PXK: variants seen among roughly 807,000 people sequenced by gnomAD.
The protein encoded by PXK is PX domain-containing protein kinase-like protein.
PXK carries 35 observed loss-of-function variants against 84.7 expected under a neutral mutation model. The ratio of observed to expected loss-of-function variants is 0.41; its 90% CI spans 0.32 to 0.55. PXK has a LOEUF of 0.55. PXK is among the 20% of genes least tolerant of loss of function. The pLI is 0.21. For missense variants in PXK, 634 were observed against 699.7 expected, an observed-to-expected ratio of 0.91 and a Z score of 1.06; for synonymous variants, 253 against 260.8, an observed-to-expected ratio of 0.97 and a Z score of 0.29.
intron 3 of PXK, among the ~76,000 whole-genome samples, chr3:58,373,784 G>A (rs2098410004): frequency 6.6e-6 from 1 of 152,040 alleles, no homozygotes. Context: ...GGTGGCTCAC[G>A]CCTGTAATCC....
chr3:58,380,740 G>A (rs1469388973), intron 3 of PXK, among the ~76,000 whole-genome samples: 2 of 151,974 alleles, frequency 1.3e-5, no homozygotes, highest in Non-Finnish European at 2.9e-5. Flanking sequence ...AACCCGGGAG[G>A]CGGAGTTTGC....
At chr3:58,376,507 T>C (rs535324370) in intron 3 of PXK, among the ~76,000 whole-genome samples, 101 of 152,298 alleles carry the variant, frequency 6.6e-4, no homozygotes, top group African/African-American at 2.4e-3. Context: ...TGTAAGAACC[T>C]ATAGACAACA....
At chr3:58,340,749 G>A (rs1175492896) in intron 1 of PXK, among the ~76,000 whole-genome samples, 2 of 151,850 alleles carry the variant, frequency 1.3e-5, no homozygotes, top group Admixed American at 6.6e-5. Flanking sequence ...GTTTAAATGG[G>A]TTTACTTATT....
intron 7 of PXK, among the ~76,000 whole-genome samples, chr3:58,392,664 CT>C (rs35624263): frequency 0.73 from 105,109 of 143,928 alleles, 38,449 homozygotes; most frequent in South Asian, 0.8. Flanking sequence ...TTCTAAATTT[CT>C]TTTTTTTTTT....
At position 58,409,437 on chromosome 3, in the gene PXK, C is replaced by T; in HGVS notation, c.1309-95C>T. 1 of 1,132,846 alleles carries T rather than the reference C, an allele frequency of 8.8e-7. No individual in the cohort carries two copies. Among genetic ancestry groups the T allele is most frequent in the Non-Finnish European group, 1.3e-6 (1 of 768,332 alleles). The allele number at this position is 1,132,846 out of a possible 1,614,324, so 70.2% of individuals were successfully genotyped here. A position where few individuals can be genotyped will look rare whatever the true frequency, so the allele number is the denominator to read the frequency against. Reference sequence around the variant, plus strand: ...GAGCAAGGAAAGATTTTCTTTTATCCCAATAAAATGTGGTTTGCCAAAACA... The same window carrying T: ...GAGCAAGGAAAGATTTTCTTTTATCTCAATAAAATGTGGTTTGCCAAAACA... On this transcript the variant is annotated intron_variant, in intron 14 of 17. Coordinates refer to ENST00000356151, the MANE Select transcript of PXK (RefSeq NM_017771.5). The surrounding 1 kb of genome is among the most constrained non-coding windows in gnomAD (Gnocchi z 4.2).
Position 58,411,418 on chromosome 3 carries a change from C to T in PXK, c.1465+1259C>T, listed in dbSNP as rs143350659. 4.5e-3 allele frequency among the ~76,000 whole-genome samples: 692 copies of T among 152,224 alleles called. 4 individuals carry two copies. Among genetic ancestry groups the T allele is most frequent in the Non-Finnish European group, 7.1e-3 (484 of 68,014 alleles). ...GAGGGGTGGTCCCAATGAGGACCAG[C>T]GCAGGCTCCTTGGGGGTGAATGCTG... On this transcript the variant is annotated intron_variant, in intron 16 of 17. Transcript: ENST00000356151. This position sits in a 1 kb window ranked among gnomAD's most constrained non-coding sequence, Gnocchi z 4.2.
At chr3:58,388,499 A>G (rs2098587800) in intron 4 of PXK, among the ~76,000 whole-genome samples, 1 of 152,224 alleles carries the variant, frequency 6.6e-6, no homozygotes, top group Non-Finnish European at 1.5e-5. Flanking sequence ...TACTTTGGAA[A>G]TACTAAAAAC....
chr3:58,414,619 G>A lies in PXK; in HGVS notation c.1528+1656G>A, dbSNP rs2060698641. Reference sequence around the variant, plus strand: ...TGAATTTGATAGCACCCAGCCTGAAGGGGAGTCTTGAGGATTTAGAAGGAA... The same window carrying A: ...TGAATTTGATAGCACCCAGCCTGAAAGGGAGTCTTGAGGATTTAGAAGGAA... On this transcript the variant is annotated intron_variant, in intron 17 of 17. Coordinates refer to ENST00000356151, the MANE Select transcript of PXK (RefSeq NM_017771.5). This position sits in a 1 kb window ranked among gnomAD's most constrained non-coding sequence, Gnocchi z 4.5. 1.3e-5 allele frequency: 2 copies of A among 152,288 alleles called. No homozygotes were observed. The highest frequency in any genetic ancestry group is 6.5e-5 in the Admixed American group (1 of 15,300). 9.4% of individuals were successfully genotyped at this position (152,288 alleles called of 1,614,324 possible).
chr3:58,406,377 A>G (rs986586798), intron 13 of PXK, among the ~76,000 whole-genome samples: 2 of 151,558 alleles, frequency 1.3e-5, no homozygotes, highest in East Asian at 3.9e-4. Context: ...TCCTGAGCTC[A>G]GGTAATCCTC....
chr3:58,409,490 T>C lies in PXK; in HGVS notation c.1309-42T>C. On this transcript the variant is annotated intron_variant, in intron 14 of 17. Transcript: ENST00000356151. This position sits in a 1 kb window ranked among gnomAD's most constrained non-coding sequence, Gnocchi z 4.2. ...TTGGAGAAGATTTTCATTAGGAAGC[T>C]GCCTTATGTGGGATATGCTTACATC... 6.5e-7 allele frequency: 1 copy of C among 1,533,536 alleles called. No homozygotes were observed. Among genetic ancestry groups the C allele is most frequent in the Non-Finnish European group, 8.9e-7 (1 of 1,119,032 alleles). 95.0% of individuals were successfully genotyped at this position (1,533,536 alleles called of 1,614,324 possible).
At chr3:58,342,871 C>G (rs756924866) in intron 1 of PXK, among the ~76,000 whole-genome samples, 7 of 152,170 alleles carry the variant, frequency 4.6e-5, no homozygotes, top group Non-Finnish European at 1.0e-4. Flanking sequence ...AGTGTGTGCA[C>G]AGATGACTTA....
chr3:58,391,236 G>C lies in PXK; in HGVS notation c.540+16G>C, dbSNP rs1312584003. 1.9e-6 allele frequency: 3 copies of C among 1,604,634 alleles called. No individual in the cohort carries two copies. Among genetic ancestry groups the C allele is most frequent in the Non-Finnish European group, 2.6e-6 (3 of 1,171,802 alleles). On this transcript the variant is annotated intron_variant, in intron 6 of 17. Transcript: ENST00000356151. ...GTTAAGCTGGGTAAGCTAGCTTTTT[G>C]CTTTGGTCTCCTTCAGTGACTTTAG...
intron 2 of PXK, among the ~76,000 whole-genome samples, 177 bp downstream of exon 2, chr3:58,366,101 C>A (rs772254391): frequency 1.3e-5 from 2 of 152,112 alleles, no homozygotes; most frequent in Non-Finnish European, 2.9e-5. Flanking sequence ...TCTTTCCTGT[C>A]CCCAGTTGTT....
chr3:58,361,651 G>C (rs1007174137), intron 1 of PXK, among the ~76,000 whole-genome samples: 6 of 152,100 alleles, frequency 3.9e-5, no homozygotes, highest in African/African-American at 1.4e-4. Flanking sequence ...ATTCTCTGGA[G>C]ATCCATCCAA....
chr3:58,373,985 C>A (rs1185323258), intron 3 of PXK, among the ~76,000 whole-genome samples: 1 of 146,032 alleles, frequency 6.8e-6, no homozygotes, highest in South Asian at 2.2e-4. Context: ...GTGGAGCTTG[C>A]AGTGAGCCGA....
intron 13 of PXK, among the ~76,000 whole-genome samples, chr3:58,406,123 C>G (rs534401588): frequency 6.6e-6 from 1 of 151,986 alleles, no homozygotes; most frequent in Non-Finnish European, 1.5e-5. Context: ...TGCGCCACCA[C>G]GCCTGGCTAA....
intron 17 of PXK, chr3:58,420,670 G>T: frequency 6.6e-7 from 1 of 1,518,796 alleles, no homozygotes; most frequent in South Asian, 1.2e-5. Flanking sequence ...TGAACAAGTG[G>T]GAAAGCAGAT....
intron 1 of PXK, among the ~76,000 whole-genome samples, chr3:58,345,129 C>A (rs900022065): frequency 6.6e-6 from 1 of 152,098 alleles, no homozygotes; most frequent in Non-Finnish European, 1.5e-5. Flanking sequence ...GCCACAAAAG[C>A]AAAGATGAAG....
Position 58,364,016 on chromosome 3 carries a change from C to A in PXK, c.103-1858C>A, listed in dbSNP as rs537710409. 1.3e-5 allele frequency among the ~76,000 whole-genome samples: 2 copies of A among 152,214 alleles called. No homozygotes were observed. The highest frequency in any genetic ancestry group is 4.2e-4 in the South Asian group (2 of 4,818). ...CGATCACATGATTTTTCTTGATTAGCCTGTTAATATGGCAGATTACATCGA... is the reference window on the plus strand; with the variant it reads ...CGATCACATGATTTTTCTTGATTAGACTGTTAATATGGCAGATTACATCGA... On this transcript the variant is annotated intron_variant, in intron 1 of 17. Transcript: ENST00000356151. This position sits in a 1 kb window ranked among gnomAD's most constrained non-coding sequence, Gnocchi z 4.3.
Sources: allele counts gnomAD v4.1 joint callset (sites outside exome capture counted in the v4.1 genomes callset), GRCh38; gene constraint gnomAD v4.1.1; non-coding constraint Gnocchi (gnomAD v3.1); transcripts MANE v1.5; gene names NCBI Gene and HGNC (gene_info 2026-07-23, HGNC 2026-07-21).